The following SUSD4 variants were observed in gnomAD, a reference collection of about 807,000 sequenced individuals.
SUSD4 encodes the protein sushi domain-containing protein 4.
SUSD4 carries 41 observed loss-of-function variants against 50.5 expected under a neutral mutation model. That is an observed-to-expected ratio of 0.81 (90% CI 0.63 to 1.05). SUSD4 has a LOEUF of 1.05. SUSD4 is among the 50% of genes least tolerant of loss of function. The pLI is 0.00. For missense variants in SUSD4, 580 were observed against 634.7 expected (o/e 0.91, Z 0.93); for synonymous variants, 257 against 257.3 (o/e 1.00, Z 0.01).
At chr1:223,247,516 A>T (rs1160976384) in intron 5 of SUSD4, among the ~76,000 whole-genome samples, 1 of 152,190 alleles carries the variant, frequency 6.6e-6, no homozygotes, top group East Asian at 1.9e-4. Flanking sequence ...CCTTTTTGGT[A>T]ACCTTCTTAC....
Position 223,252,230 on chromosome 1 carries a change from A to T in SUSD4, c.724+12400T>A, listed in dbSNP as rs1288536266. On this transcript the variant is annotated intron_variant, in intron 5 of 8. Coordinates refer to ENST00000366878, the MANE Select transcript of SUSD4 (RefSeq NM_017982.4). ...ACTTAAAGTATAATTAAAAAAAAAA[A>T]AAAAAAATATATATATATATATATA... Among the ~76,000 whole-genome samples, 465 of 64,670 alleles carry T rather than the reference A, an allele frequency of 7.2e-3. 5 individuals are homozygous for T. Among genetic ancestry groups the T allele is most frequent in the Middle Eastern group, 0.016 (2 of 126 alleles). The allele number at this position is 64,670 out of a possible 152,430, so 42.4% of individuals were successfully genotyped here.
At chr1:223,261,470 C>G (rs757566065) in intron 5 of SUSD4, among the ~76,000 whole-genome samples, 4 of 152,138 alleles carry the variant, frequency 2.6e-5, no homozygotes. Context: ...TGGGTTTGCT[C>G]AGTGGCTAAA....
In SUSD4 at chr1:223,341,481, C is replaced by G. The variant is rs115775255; in HGVS notation, c.148+21797G>C. Among the ~76,000 whole-genome samples the G allele has an allele frequency of 7.4e-3, 1,029 of 138,474 alleles. 9 individuals carry two copies. The highest frequency in any genetic ancestry group is 0.012 in the Non-Finnish European group (739 of 63,976). 90.8% of individuals were successfully genotyped at this position (138,474 alleles called of 152,430 possible). ...CACCCCCTCTCTGTCCTCCCCAGATCCACCTTCCAGCTGTGAAGGCTGAGT... is the reference window on the plus strand; with the variant it reads ...CACCCCCTCTCTGTCCTCCCCAGATGCACCTTCCAGCTGTGAAGGCTGAGT... On this transcript the variant is annotated intron_variant, in intron 2 of 8. Transcript: ENST00000366878.
chr1:223,273,193 A>G (rs1209465290), intron 3 of SUSD4, among the ~76,000 whole-genome samples: 3 of 152,198 alleles, frequency 2.0e-5, no homozygotes, highest in Non-Finnish European at 4.4e-5. Context: ...AAAACACTAA[A>G]GAAGACCTGT....
chr1:223,223,620 C>T lies in SUSD4; in HGVS notation c.1073G>A (p.Arg358Gln), dbSNP rs756928365. 112 of 1,605,056 alleles carry T rather than the reference C, an allele frequency of 7.0e-5. No individual in the cohort carries two copies. Among genetic ancestry groups the T allele is most frequent in the Middle Eastern group, 1.7e-4 (1 of 6,022 alleles). ...KAHFPPRGPP[R>Q]SSSSDPDFVV... is the part of the protein sequence containing the mutation. Reference sequence around the variant, plus strand: ...AAAGTCAGGGTCACTGCTGGAACTCCGGGGAGGCCCCCTGTGTAAAGGAAA... The same window carrying T: ...AAAGTCAGGGTCACTGCTGGAACTCTGGGGAGGCCCCCTGTGTAAAGGAAA... Residue 358 changes from arginine to glutamine, a missense_variant, in exon 8 of 9, where the codon CGG (arginine) becomes CAG (glutamine). By Grantham distance (43) the Arg-to-Gln change is conservative. Coordinates refer to ENST00000366878, the MANE Select transcript of SUSD4 (RefSeq NM_017982.4).
At chr1:223,361,607 G>A (rs1400964) in intron 2 of SUSD4, among the ~76,000 whole-genome samples, 11,898 of 152,108 alleles carry the variant, frequency 0.078, 725 homozygotes, top group African/African-American at 0.15. Flanking sequence ...CTGTAAACAC[G>A]ACCAAGCAGA....
chr1:223,344,928 TC>T, intron 2 of SUSD4, among the ~76,000 whole-genome samples: 1 of 152,314 alleles, frequency 6.6e-6, no homozygotes, highest in Admixed American at 6.5e-5. Flanking sequence ...GCAGAAATAA[TC>T]GAAACTTCCT....
intron 5 of SUSD4, among the ~76,000 whole-genome samples, chr1:223,247,005 A>G (rs994219987): frequency 3.3e-5 from 5 of 152,330 alleles, no homozygotes; most frequent in Admixed American, 6.5e-5. Context: ...GTATTATAGA[A>G]TATTTTAACC....
At chr1:223,334,152 C>T (rs1460860330) in intron 2 of SUSD4, among the ~76,000 whole-genome samples, 1 of 152,060 alleles carries the variant, frequency 6.6e-6, no homozygotes, top group Non-Finnish European at 1.5e-5. Flanking sequence ...TTAATATCCT[C>T]AGAGATACAA....
At chr1:223,326,241 A>T (rs1666870991) in intron 2 of SUSD4, among the ~76,000 whole-genome samples, 1 of 152,294 alleles carries the variant, frequency 6.6e-6, no homozygotes, top group South Asian at 2.1e-4. Flanking sequence ...ACAAAAACAT[A>T]AACTGGGGAA....
chr1:223,261,816 C>A (rs1662143608), intron 5 of SUSD4, among the ~76,000 whole-genome samples: 1 of 152,130 alleles, frequency 6.6e-6, no homozygotes, highest in African/African-American at 2.4e-5. Context: ...TTAATAACAA[C>A]AGACAAGTGA....
rs1211742058 is a variant in SUSD4, at chr1:223,231,015, C to A, written c.725-1627G>T. 6.6e-6 allele frequency among the ~76,000 whole-genome samples: 1 copy of A among 152,178 alleles called. No homozygotes were observed. Among genetic ancestry groups the A allele is most frequent in the East Asian group, 1.9e-4 (1 of 5,196 alleles). On this transcript the variant is annotated intron_variant, in intron 5 of 8. Transcript: ENST00000366878. The surrounding 1 kb of genome is among the most constrained non-coding windows in gnomAD (Gnocchi z 4.2). ...GGCAAAGTGGAGAAGCCAGCAGGAACACCCCAAGATTAGTGAGAGCAGGAA... is the reference window on the plus strand; with the variant it reads ...GGCAAAGTGGAGAAGCCAGCAGGAAAACCCCAAGATTAGTGAGAGCAGGAA...
At chr1:223,281,183 G>A (rs559724353) in intron 3 of SUSD4, among the ~76,000 whole-genome samples, 8 of 152,164 alleles carry the variant, frequency 5.3e-5, no homozygotes, top group East Asian at 3.9e-4. Flanking sequence ...AAGAACTAGA[G>A]AAGCAAGAGC....
At chr1:223,314,489 A>C (rs552976491) in intron 2 of SUSD4, among the ~76,000 whole-genome samples, 1 of 152,282 alleles carries the variant, frequency 6.6e-6, no homozygotes, top group South Asian at 2.1e-4. Flanking sequence ...AAAGATTTCA[A>C]AAATAGGAAG....
intron 2 of SUSD4, among the ~76,000 whole-genome samples, chr1:223,356,973 G>T (rs760679123): frequency 1.3e-5 from 2 of 152,168 alleles, no homozygotes; most frequent in Non-Finnish European, 2.9e-5. Flanking sequence ...TCTTAGGAAG[G>T]CTCTAAGGGA....
At chr1:223,244,843 C>T (rs531842474) in intron 5 of SUSD4, among the ~76,000 whole-genome samples, 5 of 152,308 alleles carry the variant, frequency 3.3e-5, no homozygotes, top group South Asian at 4.1e-4. Flanking sequence ...AAACTGCTCA[C>T]GTTACATCTA....
intron 2 of SUSD4, among the ~76,000 whole-genome samples, chr1:223,361,009 A>T (rs1668946778): frequency 6.6e-6 from 1 of 152,232 alleles, no homozygotes; most frequent in Admixed American, 6.5e-5. Flanking sequence ...TCCTTGGATC[A>T]GTGGTAACTG....
chr1:223,308,882 C>A (rs1572029048), intron 2 of SUSD4, among the ~76,000 whole-genome samples: 1 of 152,270 alleles, frequency 6.6e-6, no homozygotes, highest in Non-Finnish European at 1.5e-5. Flanking sequence ...TACTTCAGAC[C>A]ACTACCAAAA....
chr1:223,228,296 C>T lies in SUSD4; in HGVS notation c.917-558G>A, dbSNP rs936908414. Among the ~76,000 whole-genome samples, 4 of 152,168 alleles carry T rather than the reference C, an allele frequency of 2.6e-5. No individual in the cohort carries two copies. In the East Asian group the frequency reaches 7.7e-4, roughly 29 times the overall value. On this transcript the variant is annotated intron_variant, in intron 6 of 8. Transcript: ENST00000366878. Reference sequence around the variant, plus strand: ...GACTTATCCTTTGGGCACAGGCCACCCTGTCTCTTAAATGTCTCTCTGCCT... The same window carrying T: ...GACTTATCCTTTGGGCACAGGCCACTCTGTCTCTTAAATGTCTCTCTGCCT...
Sources: allele counts gnomAD v4.1 joint callset (sites outside exome capture counted in the v4.1 genomes callset), GRCh38; gene constraint gnomAD v4.1.1; non-coding constraint Gnocchi (gnomAD v3.1); transcripts MANE v1.5; gene names NCBI Gene and HGNC (gene_info 2026-07-23, HGNC 2026-07-21).